KCNC2: variants seen among roughly 807,000 people sequenced by gnomAD.
The protein encoded by KCNC2 is potassium voltage-gated channel subfamily C member 2, also known as voltage-gated potassium channel KCNC2.
Under a neutral mutation model 44.5 loss-of-function variants are expected in KCNC2, and 21 were observed. The observed-to-expected ratio is 0.47, with a 90% confidence interval of 0.33 to 0.68. KCNC2 has a LOEUF of 0.68. Among genes scored for constraint, KCNC2 ranks in the 30% least tolerant of loss-of-function variants. KCNC2 has a pLI of 0.01. For synonymous variants in KCNC2, 391 were observed against 339.1 expected, an observed-to-expected ratio of 1.15 and a Z score of -1.68; for missense variants, 589 against 826.2, an observed-to-expected ratio of 0.71 and a Z score of 3.52.
intron 2 of KCNC2, among the ~76,000 whole-genome samples, chr12:75,182,692 T>C (rs1036495798): frequency 6.6e-6 from 1 of 152,124 alleles, no homozygotes; most frequent in African/African-American, 2.4e-5. Context: ...ATCCTGAACA[T>C]GTGCATATGT....
intron 4 of KCNC2, among the ~76,000 whole-genome samples, chr12:75,045,587 A>G (rs924517795): frequency 1.3e-5 from 2 of 151,938 alleles, no homozygotes; most frequent in Admixed American, 6.6e-5. Flanking sequence ...TCATGAGGGT[A>G]AACACTGTTG....
At chr12:75,073,711 G>T (rs547106625) in intron 2 of KCNC2, among the ~76,000 whole-genome samples, 62 of 152,232 alleles carry the variant, frequency 4.1e-4, no homozygotes, top group African/African-American at 6.7e-4. Context: ...GATGATTTTT[G>T]AATGTGTTTG....
At chr12:75,177,099 G>A (rs1593033562) in intron 2 of KCNC2, among the ~76,000 whole-genome samples, 1 of 148,414 alleles carries the variant, frequency 6.7e-6, no homozygotes, top group East Asian at 2.0e-4. Flanking sequence ...TTGGAAAATG[G>A]GAAGAAATAA....
At chr12:75,174,175 T>A (rs2137598601) in intron 2 of KCNC2, among the ~76,000 whole-genome samples, 1 of 151,888 alleles carries the variant, frequency 6.6e-6, no homozygotes, top group East Asian at 1.9e-4. Flanking sequence ...ACAATCACGG[T>A]GTATTTTTTA....
chr12:75,169,669 A>G (rs1323706822), intron 2 of KCNC2, among the ~76,000 whole-genome samples: 1 of 151,672 alleles, frequency 6.6e-6, no homozygotes, highest in Non-Finnish European at 1.5e-5. Flanking sequence ...ATAAATTACT[A>G]TGATTGTTGT....
At position 75,167,804 on chromosome 12, in the gene KCNC2, C is replaced by G. The variant is rs553130605; in HGVS notation, c.687+39493G>C. ...TGCATTTTTTTTCTTTTCGTATAAC[C>G]CCTATTTTATAATAAAATTGAATCA... On this transcript the variant is annotated intron_variant, in intron 2 of 4. Coordinates refer to ENST00000549446, the MANE Select transcript of KCNC2 (RefSeq NM_139137.4). 2.0e-5 allele frequency among the ~76,000 whole-genome samples: 3 copies of G among 150,986 alleles called. No homozygotes were observed. In the South Asian group the frequency reaches 6.3e-4, roughly 32 times the overall value.
chr12:75,055,260 G>T (rs990111723), intron 2 of KCNC2, among the ~76,000 whole-genome samples: 1 of 151,638 alleles, frequency 6.6e-6, no homozygotes, highest in Non-Finnish European at 1.5e-5. Flanking sequence ...CATTCCAGTG[G>T]GAATTAAAAT....
At chr12:75,195,953 C>T (rs992853711) in intron 2 of KCNC2, among the ~76,000 whole-genome samples, 11 of 152,108 alleles carry the variant, frequency 7.2e-5, no homozygotes, top group Non-Finnish European at 1.6e-4. Flanking sequence ...ATTCACAGTA[C>T]CTCAAACAGG....
Position 75,207,184 on chromosome 12 carries a change from C to T in KCNC2, c.687+113G>A. 2 of 1,451,598 alleles carry T rather than the reference C, an allele frequency of 1.4e-6. No homozygotes were observed. The highest frequency in any genetic ancestry group is 1.5e-5 in the South Asian group (1 of 67,500). The allele number at this position is 1,451,598 out of a possible 1,614,324, so 89.9% of individuals were successfully genotyped here. A position where few individuals can be genotyped will look rare whatever the true frequency, so the allele number is the denominator to read the frequency against. On this transcript the variant is annotated intron_variant, in intron 2 of 4. Coordinates refer to ENST00000549446, the MANE Select transcript of KCNC2 (RefSeq NM_139137.4). This position sits in a 1 kb window ranked among gnomAD's most constrained non-coding sequence, Gnocchi z 4.1. ...CCTCTAACTGTATCGCTAGGAAATC[C>T]CGGGTCTCTTCTACCCCCCATGCCT...
At chr12:75,159,375 A>C (rs1890974086) in intron 2 of KCNC2, among the ~76,000 whole-genome samples, 1 of 151,870 alleles carries the variant, frequency 6.6e-6, no homozygotes, top group African/African-American at 2.4e-5. Context: ...CTCCCCCAAT[A>C]AAAGTTCCTT....
chr12:75,050,421 T>G lies in KCNC2; in HGVS notation c.1584A>C (p.Lys528Asn). 6.2e-7 allele frequency: 1 copy of G among 1,612,814 alleles called. No homozygotes were observed. The highest frequency in any genetic ancestry group is 8.5e-7 in the Non-Finnish European group (1 of 1,179,326). Residue 528 changes from lysine (K) to asparagine (N), a missense_variant, in exon 3 of 5, where the codon AAA (lysine) becomes AAC (asparagine). Physicochemically the swap from Lys to Asn is moderately conservative, Grantham distance 94. Coordinates refer to ENST00000549446, the MANE Select transcript of KCNC2 (RefSeq NM_139137.4). ...NSTQSDTCLG[K>N]DNRLLEHNRS... is the part of the protein sequence containing the mutation. ...TGTTATGTTCCAGAAGTCGATTGTC[T>G]TTGCCCAGACATGTGTCACTCTGTG...
rs901127765 is a variant in KCNC2 at position 75,195,898 on chromosome 12, G to A, written c.687+11399C>T. On this transcript the variant is annotated intron_variant, in intron 2 of 4. Coordinates refer to ENST00000549446, the MANE Select transcript of KCNC2 (RefSeq NM_139137.4). ...AGCCAACCTCAGGGACTGTCTCCTG[G>A]TGTACCTCCCCACCCTTTGCTCAAT... is the stretch of plus-strand genomic sequence containing the variant. Among the ~76,000 whole-genome samples, 25 of 152,064 alleles carry A rather than the reference G, an allele frequency of 1.6e-4. No individual in the cohort carries two copies. In the South Asian group the frequency reaches 1.7e-3, roughly 10 times the overall value.
At chr12:75,117,346 A>C (rs2137268979) in intron 2 of KCNC2, among the ~76,000 whole-genome samples, 1 of 152,310 alleles carries the variant, frequency 6.6e-6, no homozygotes, top group East Asian at 1.9e-4. Context: ...TCTTGACTAC[A>C]ACCACCAATG....
At chr12:75,165,137 G>A (rs1268538957) in intron 2 of KCNC2, among the ~76,000 whole-genome samples, 1 of 151,524 alleles carries the variant, frequency 6.6e-6, no homozygotes, top group Non-Finnish European at 1.5e-5. Context: ...ACTGATAGAG[G>A]CAATTTTTAT....
At chr12:75,068,103 A>G (rs1231621093) in intron 2 of KCNC2, among the ~76,000 whole-genome samples, 1 of 152,188 alleles carries the variant, frequency 6.6e-6, no homozygotes, top group East Asian at 1.9e-4. Flanking sequence ...CTTGACAAAT[A>G]TGCACATCTG....
intron 2 of KCNC2, among the ~76,000 whole-genome samples, chr12:75,201,700 G>A (rs1402260277): frequency 2.0e-5 from 3 of 151,722 alleles, no homozygotes; most frequent in South Asian, 2.1e-4. Context: ...TGACTACACC[G>A]TGTTAGGATT....
chr12:75,070,848 G>A (rs921346600), intron 2 of KCNC2, among the ~76,000 whole-genome samples: 3 of 152,012 alleles, frequency 2.0e-5, no homozygotes, highest in Non-Finnish European at 4.4e-5. Context: ...AGAATAAGAT[G>A]TTAATTCATA....
chr12:75,179,628 C>A (rs1041381427), intron 2 of KCNC2, among the ~76,000 whole-genome samples: 1 of 149,198 alleles, frequency 6.7e-6, no homozygotes, highest in East Asian at 1.9e-4. Flanking sequence ...AGTTTTATAT[C>A]TTTTATAAAA....
intron 2 of KCNC2, among the ~76,000 whole-genome samples, chr12:75,167,232 C>A (rs1891516469): frequency 6.6e-6 from 1 of 151,148 alleles, no homozygotes; most frequent in African/African-American, 2.4e-5. Context: ...TATGGATGAC[C>A]TTTTACTTTC....
Sources: allele counts gnomAD v4.1 joint callset (sites outside exome capture counted in the v4.1 genomes callset), GRCh38; gene constraint gnomAD v4.1.1; non-coding constraint Gnocchi (gnomAD v3.1); transcripts MANE v1.5; gene names NCBI Gene and HGNC (gene_info 2026-07-23, HGNC 2026-07-21).